PLEKHM3: variants seen among roughly 807,000 people sequenced by gnomAD.
PLEKHM3 encodes pleckstrin homology domain containing M3.
PLEKHM3 carries 45 observed loss-of-function variants against 81.8 expected under a neutral mutation model. That is an observed-to-expected ratio of 0.55 (90% CI 0.43 to 0.71). PLEKHM3 has a LOEUF of 0.71. Ranked by LOEUF, PLEKHM3 falls within the 30% of genes least tolerant of loss-of-function variation. The pLI, the probability that PLEKHM3 is intolerant of heterozygous loss-of-function variation, is 0.00. For missense variants in PLEKHM3, 788 were observed against 924.3 expected, an observed-to-expected ratio of 0.85 and a Z score of 1.91; for synonymous variants, 352 against 356.4, an observed-to-expected ratio of 0.99 and a Z score of 0.14.
At chr2:207,842,835 G>A (rs2092362030) in intron 7 of PLEKHM3, among the ~76,000 whole-genome samples, 1 of 152,130 alleles carries the variant, frequency 6.6e-6, no homozygotes, top group African/African-American at 2.4e-5. Flanking sequence ...TGATAGAGAA[G>A]GCTAAATAGT....
rs990583321 is a variant in PLEKHM3 at position 207,901,056 on chromosome 2, G to A, written c.1950+7458C>T. On this transcript the variant is annotated intron_variant, in intron 6 of 7. Coordinates refer to ENST00000427836, the MANE Select transcript of PLEKHM3 (RefSeq NM_001080475.3). The stretch of plus-strand genomic sequence containing the variant: ...CAACTCCACAGCTGCAGCCTCAACC[G>A]GTATTGTTGTCTCTACCTGAGGGGC... The A allele has an allele frequency of 5.1e-5, 29 of 568,280 alleles. 1 individual carries two copies. The highest frequency in any genetic ancestry group is 3.8e-4 in the South Asian group (17 of 44,282). The allele number at this position is 568,280 out of a possible 1,614,324, so 35.2% of individuals were successfully genotyped here. A position where few individuals can be genotyped will look rare whatever the true frequency, so the allele number is the denominator to read the frequency against.
intron 4 of PLEKHM3, 23 bp downstream of exon 4, chr2:207,946,344 G>A (rs770980855): frequency 6.2e-7 from 1 of 1,602,076 alleles, no homozygotes. Flanking sequence ...TTATTATTAA[G>A]TGAACTGAGT....
intron 1 of PLEKHM3, among the ~76,000 whole-genome samples, chr2:208,018,371 C>CA (rs56987058): frequency 6.8e-4 from 76 of 111,850 alleles, no homozygotes; most frequent in Middle Eastern, 4.2e-3. Flanking sequence ...GACTCTGTCT[C>CA]AAAAAAAAAA....
At chr2:207,891,236 T>G (rs1232334011) in intron 6 of PLEKHM3, among the ~76,000 whole-genome samples, 1 of 152,064 alleles carries the variant, frequency 6.6e-6, no homozygotes, top group African/African-American at 2.4e-5. Flanking sequence ...GTCATGGGGG[T>G]GGGATAAAGC....
At chr2:207,988,822 T>G (rs1407139800) in intron 2 of PLEKHM3, among the ~76,000 whole-genome samples, 1 of 152,214 alleles carries the variant, frequency 6.6e-6, no homozygotes, top group Non-Finnish European at 1.5e-5. Flanking sequence ...TCATATCATC[T>G]TATAACCCTT....
chr2:207,861,276 A>C lies in PLEKHM3; in HGVS notation c.1951-14T>G, dbSNP rs776892534. On this transcript the variant is annotated splice_polypyrimidine_tract_variant and intron_variant, in intron 6 of 7. Coordinates refer to ENST00000427836, the MANE Select transcript of PLEKHM3 (RefSeq NM_001080475.3). Reference sequence around the variant, plus strand: ...TCCCTCTATTACCTGCAGAAAGAGAAATGGGACAGGGAAGCACATTTATTG... The same window carrying C: ...TCCCTCTATTACCTGCAGAAAGAGACATGGGACAGGGAAGCACATTTATTG... 1.9e-6 allele frequency: 3 copies of C among 1,613,462 alleles called. No homozygotes were observed. In the South Asian group the frequency reaches 3.3e-5, roughly 18 times the overall value.
intron 1 of PLEKHM3, among the ~76,000 whole-genome samples, chr2:208,007,486 T>C (rs984502760): frequency 6.6e-6 from 1 of 152,210 alleles, no homozygotes; most frequent in Non-Finnish European, 1.5e-5. Flanking sequence ...CAGAGGCCTA[T>C]CAGATGAAAC....
Position 207,865,801 on chromosome 2 carries a change from A to AAAAAAAAAAAAAAAAAAAAATATATAT in PLEKHM3, c.1951-4540_1951-4539insATATATATTTTTTTTTTTTTTTTTTTT. On this transcript the variant is annotated intron_variant, in intron 6 of 7. Coordinates refer to ENST00000427836, the MANE Select transcript of PLEKHM3 (RefSeq NM_001080475.3). The stretch of plus-strand genomic sequence containing the variant: ...CGACTCAAAAAAAAAAAAAAAAAAA[A>AAAAAAAAAAAAAAAAAAAAATATATAT]AGATATATATATATATATATATATA... Among the ~76,000 whole-genome samples, 2 of 25,300 alleles carry AAAAAAAAAAAAAAAAAAAAATATATAT rather than the reference A, an allele frequency of 7.9e-5. 1 individual carries two copies. The highest frequency in any genetic ancestry group is 1.5e-4 in the Non-Finnish European group (2 of 13,198). 16.6% of individuals were successfully genotyped at this position (25,300 alleles called of 152,430 possible).
intron 1 of PLEKHM3, among the ~76,000 whole-genome samples, chr2:208,005,402 C>T (rs1375587392): frequency 6.6e-6 from 1 of 152,122 alleles, no homozygotes; most frequent in Non-Finnish European, 1.5e-5. Flanking sequence ...ATGACAATGT[C>T]TCAGACTTTA....
chr2:207,972,874 G>A (rs552046667), intron 3 of PLEKHM3, among the ~76,000 whole-genome samples: 1 of 152,052 alleles, frequency 6.6e-6, no homozygotes, highest in African/African-American at 2.4e-5. Context: ...AATGAAATAA[G>A]GCCAATTGCA....
chr2:207,927,290 GACTA>G (rs1404207161), intron 5 of PLEKHM3, among the ~76,000 whole-genome samples: 14 of 152,114 alleles, frequency 9.2e-5, no homozygotes, highest in Non-Finnish European at 1.9e-4. Flanking sequence ...AGGTATTGGT[GACTA>G]ACTTTGTTTT....
At chr2:207,900,741 T>A in intron 6 of PLEKHM3, 1 of 152,940 alleles carries the variant, frequency 6.5e-6, no homozygotes, top group Non-Finnish European at 1.5e-5. Context: ...ATTCAATCAA[T>A]ACACACTTGT....
intron 4 of PLEKHM3, among the ~76,000 whole-genome samples, chr2:207,941,246 C>T (rs1374369618): frequency 6.6e-6 from 1 of 152,180 alleles, no homozygotes; most frequent in Middle Eastern, 3.2e-3. Flanking sequence ...TCTCAGACAT[C>T]TGTTAGCAAG....
At chr2:207,983,662 T>C (rs1026614279) in intron 2 of PLEKHM3, among the ~76,000 whole-genome samples, 1 of 152,116 alleles carries the variant, frequency 6.6e-6, no homozygotes, top group Non-Finnish European at 1.5e-5. Context: ...GTTCTGTTCC[T>C]CCTCAGTGAA....
At chr2:207,961,428 T>C (rs980602005) in intron 3 of PLEKHM3, among the ~76,000 whole-genome samples, 2 of 152,220 alleles carry the variant, frequency 1.3e-5, no homozygotes, top group African/African-American at 4.8e-5. Context: ...CTAGTTAGAA[T>C]GTGATTTTTC....
chr2:207,982,415 ATGCACTACCACACC>A (rs1168492601), intron 2 of PLEKHM3, among the ~76,000 whole-genome samples: 1 of 151,926 alleles, frequency 6.6e-6, no homozygotes, highest in Non-Finnish European at 1.5e-5. Context: ...GACTACAGGT[ATGCACTACCACACC>A]TGGTTCATTT....
intron 7 of PLEKHM3, among the ~76,000 whole-genome samples, chr2:207,834,410 G>A (rs973018131): frequency 1.1e-4 from 17 of 149,674 alleles, no homozygotes; most frequent in African/African-American, 3.0e-4. Context: ...GATTGCAGGA[G>A]TGAGCCACCG....
chr2:208,005,104 C>A (rs555551672), intron 1 of PLEKHM3, among the ~76,000 whole-genome samples: 1 of 152,088 alleles, frequency 6.6e-6, no homozygotes, highest in African/African-American at 2.4e-5. Flanking sequence ...GGATTACAGG[C>A]GTGAGGCACC....
intron 7 of PLEKHM3, among the ~76,000 whole-genome samples, chr2:207,855,190 G>A (rs1383990181): frequency 6.6e-6 from 1 of 152,036 alleles, no homozygotes; most frequent in Non-Finnish European, 1.5e-5. Context: ...TGGTAGTGCT[G>A]GAAAGTAAGG....
Sources: gnomAD v4.1 joint callset for allele counts (sites outside exome capture counted in the v4.1 genomes callset) on GRCh38, gnomAD v4.1.1 for gene constraint, MANE v1.5 for transcripts, NCBI Gene and HGNC (gene_info 2026-07-23, HGNC 2026-07-21) for gene names.